Variants in KDM4C observed in about 807,000 individuals in gnomAD.
The protein encoded by KDM4C is lysine demethylase 4C.
A neutral mutation model predicts 129.3 loss-of-function variants in KDM4C; 81 were observed. The ratio of observed to expected loss-of-function variants is 0.63; its 90% CI spans 0.52 to 0.75. The LOEUF is 0.75. Among genes scored for constraint, KDM4C ranks in the 30% least tolerant of loss-of-function variants. KDM4C has a pLI of 0.00. For synonymous variants in KDM4C, 573 were observed against 456.1 expected (o/e 1.26, Z -3.26); for missense variants, 1,457 against 1,304.0 (o/e 1.12, Z -1.81).
intron 1 of KDM4C, among the ~76,000 whole-genome samples, chr9:6,771,361 G>T (rs1164004510): frequency 1.3e-5 from 2 of 151,838 alleles, no homozygotes; most frequent in Non-Finnish European, 2.9e-5. Flanking sequence ...GCCCAGGCTG[G>T]AGTGCAATGT....
intron 2 of KDM4C, among the ~76,000 whole-genome samples, chr9:6,797,667 GT>G (rs899138179): frequency 2.0e-5 from 3 of 152,196 alleles, no homozygotes; most frequent in African/African-American, 7.2e-5. Context: ...ACATCATGTA[GT>G]TTTATGAACA....
At chr9:6,905,967 AT>A (rs1178149885) in intron 8 of KDM4C, among the ~76,000 whole-genome samples, 1 of 152,210 alleles carries the variant, frequency 6.6e-6, no homozygotes, top group Non-Finnish European at 1.5e-5. Flanking sequence ...TTCTGAAAGT[AT>A]CCAGGCTTTG....
At chr9:6,836,228 G>A (rs1835845108) in intron 4 of KDM4C, among the ~76,000 whole-genome samples, 1 of 152,098 alleles carries the variant, frequency 6.6e-6, no homozygotes, top group Admixed American at 6.6e-5. Flanking sequence ...GAGGCGGGCG[G>A]ATCACCTGAG....
intron 12 of KDM4C, among the ~76,000 whole-genome samples, chr9:7,011,034 A>G (rs1240600021): frequency 1.3e-5 from 2 of 152,136 alleles, no homozygotes; most frequent in Admixed American, 6.5e-5. Context: ...CGAAGAGCAA[A>G]ACTCCATCTT....
Position 6,812,607 on chromosome 9 carries a change from A to G in KDM4C, c.321-2024A>G, listed in dbSNP as rs137866786. Among the ~76,000 whole-genome samples the G allele has an allele frequency of 6.7e-3, 1,014 of 152,268 alleles. 12 individuals carry two copies. The highest frequency in any genetic ancestry group is 0.023 in the African/African-American group (972 of 41,550). On this transcript the variant is annotated intron_variant, in intron 3 of 21. Coordinates refer to ENST00000381309, the MANE Select transcript of KDM4C (RefSeq NM_015061.6). ...CATACTCCTATGAGAATCTAATGCC[A>G]CTGATCTGACAGGAGGTGGAACTCA...
At chr9:6,766,469 G>A (rs186917725) in intron 1 of KDM4C, among the ~76,000 whole-genome samples, 44 of 152,088 alleles carry the variant, frequency 2.9e-4, no homozygotes, top group African/African-American at 1.0e-3. Flanking sequence ...CTTTAGTGGG[G>A]GTCTCGGTGT....
rs13292439 is a variant in KDM4C, at chr9:6,954,999, T to A, written c.922-25926T>A. Among the ~76,000 whole-genome samples, 1,014 of 152,348 alleles carry A rather than the reference T, an allele frequency of 6.7e-3. 6 individuals carry two copies. Among genetic ancestry groups the A allele is most frequent in the Non-Finnish European group, 0.011 (762 of 68,032 alleles). On this transcript the variant is annotated intron_variant, in intron 8 of 21. Transcript: ENST00000381309. ...CTTTCTGTTGGAAGAGTGGGAACTCTTTATTAGTTTGCTAACGTGAACAAT... is the reference window on the plus strand; with the variant it reads ...CTTTCTGTTGGAAGAGTGGGAACTCATTATTAGTTTGCTAACGTGAACAAT...
At chr9:7,056,708 A>G (rs1830920003) in intron 17 of KDM4C, among the ~76,000 whole-genome samples, 1 of 152,234 alleles carries the variant, frequency 6.6e-6, no homozygotes, top group South Asian at 2.1e-4. Flanking sequence ...AAACATTATT[A>G]GACAGGTGGG....
chr9:6,979,996 A>G (rs1245505027), intron 8 of KDM4C, among the ~76,000 whole-genome samples: 1 of 152,164 alleles, frequency 6.6e-6, no homozygotes, highest in Non-Finnish European at 1.5e-5. Context: ...GGGTTTGGAT[A>G]TATTAAGACT....
chr9:7,150,870 A>T (rs1842666981), intron 19 of KDM4C, among the ~76,000 whole-genome samples: 1 of 152,214 alleles, frequency 6.6e-6, no homozygotes, highest in African/African-American at 2.4e-5. Flanking sequence ...TATCATAAAG[A>T]TGTGGCTGCT....
At chr9:7,067,382 G>T (rs1280865665) in intron 17 of KDM4C, among the ~76,000 whole-genome samples, 1 of 152,246 alleles carries the variant, frequency 6.6e-6, no homozygotes, top group African/African-American at 2.4e-5. Flanking sequence ...GTGGCGGGTG[G>T]CAGCCCACCT....
At chr9:6,875,581 G>A in intron 5 of KDM4C, among the ~76,000 whole-genome samples, 1 of 152,194 alleles carries the variant, frequency 6.6e-6, no homozygotes, top group East Asian at 1.9e-4. Context: ...AGGCATTAGA[G>A]TTCATCTCTA....
chr9:6,985,570 G>C (rs1196384109), intron 10 of KDM4C, among the ~76,000 whole-genome samples: 1 of 152,216 alleles, frequency 6.6e-6, no homozygotes, highest in Non-Finnish European at 1.5e-5. Flanking sequence ...TATCTGAATT[G>C]AGTTTTGATG....
intron 8 of KDM4C, among the ~76,000 whole-genome samples, chr9:6,970,597 G>A (rs1273838901): frequency 6.6e-6 from 1 of 152,182 alleles, no homozygotes; most frequent in Admixed American, 6.5e-5. Flanking sequence ...TTTGCACTGT[G>A]AAGGAAAGGC....
intron 17 of KDM4C, among the ~76,000 whole-genome samples, chr9:7,103,390 C>T (rs1306846152): frequency 2.0e-5 from 3 of 152,180 alleles, no homozygotes; most frequent in Non-Finnish European, 4.4e-5. Flanking sequence ...GGTCTTTTCC[C>T]GAGCTCTGTG....
chr9:7,077,395 C>T (rs554887457), intron 17 of KDM4C: 42 of 194,074 alleles, frequency 2.2e-4, no homozygotes, highest in Non-Finnish European at 3.0e-4. Context: ...TGCTATTTAG[C>T]ATTTATCTGT....
chr9:7,073,358 A>G (rs1016657429), intron 17 of KDM4C, among the ~76,000 whole-genome samples: 2 of 152,246 alleles, frequency 1.3e-5, no homozygotes, highest in Non-Finnish European at 2.9e-5. Context: ...AGTAAGTTTC[A>G]GTAATTTACT....
At position 7,052,863 on chromosome 9, in the gene KDM4C, CAGAGAGAGAGAG is replaced by C. The variant is rs370475585; in HGVS notation, c.2424+3690_2424+3701del. ...CTAACCAGAGCTCTGGCCACACCTG[CAGAGAGAGAGAG>C]AGAGAGAGAGAGAGAGAGAGAGAGA... On this transcript the variant is annotated intron_variant, in intron 17 of 21. Coordinates refer to ENST00000381309, the MANE Select transcript of KDM4C (RefSeq NM_015061.6). Among the ~76,000 whole-genome samples the C allele has an allele frequency of 6.6e-4, 27 of 41,110 alleles. No homozygotes were observed. The East Asian group carries it at 8.7e-3, about 13-fold the overall frequency. The allele number at this position is 41,110 out of a possible 152,430, so 27.0% of individuals were successfully genotyped here. A position where few individuals can be genotyped will look rare whatever the true frequency, so the allele number is the denominator to read the frequency against.
intron 19 of KDM4C, among the ~76,000 whole-genome samples, chr9:7,139,655 A>C (rs1008637377): frequency 2.0e-5 from 3 of 152,218 alleles, no homozygotes; most frequent in Non-Finnish European, 4.4e-5. Flanking sequence ...TGTTCCCTAC[A>C]TGAATTTTGA....
Sources: allele counts gnomAD v4.1 joint callset (sites outside exome capture counted in the v4.1 genomes callset), GRCh38; gene constraint gnomAD v4.1.1; transcripts MANE v1.5; gene names NCBI Gene and HGNC (gene_info 2026-07-23, HGNC 2026-07-21).